Variants in GLIS1 observed in about 807,000 individuals in gnomAD.
GLIS1 encodes zinc finger protein GLIS1.
A neutral mutation model predicts 63.8 loss-of-function variants in GLIS1; 24 were observed. The ratio of observed to expected loss-of-function variants is 0.38; its 90% CI spans 0.27 to 0.53. The LOEUF (loss-of-function observed/expected upper bound fraction) is 0.53. GLIS1 is among the 20% of genes least tolerant of loss of function. The probability of loss-of-function intolerance (pLI) is 0.85; values close to 1 mark genes in which losing one functional copy is unlikely to be tolerated. For synonymous variants in GLIS1, 450 were observed against 482.5 expected (o/e 0.93, Z 0.88); for missense variants, 1,036 against 1,074.1 (o/e 0.96, Z 0.50).
At chr1:53,644,947 C>A (rs1394642505) in intron 2 of GLIS1, among the ~76,000 whole-genome samples, 1 of 152,168 alleles carries the variant, frequency 6.6e-6, no homozygotes, top group Non-Finnish European at 1.5e-5. Context: ...ATCTCCTCCA[C>A]AAAAATCTAA....
At chr1:53,589,310 G>A (rs1243833018) in intron 4 of GLIS1, among the ~76,000 whole-genome samples, 3 of 152,174 alleles carry the variant, frequency 2.0e-5, no homozygotes, top group Admixed American at 2.0e-4. Context: ...CTTGCATTGA[G>A]CCAGGATAAA....
At chr1:53,661,168 C>A (rs754296498) in intron 2 of GLIS1, among the ~76,000 whole-genome samples, 3 of 152,148 alleles carry the variant, frequency 2.0e-5, no homozygotes, top group Non-Finnish European at 4.4e-5. Flanking sequence ...GAATGAGGTC[C>A]ACAGGTGGGG....
intron 2 of GLIS1, among the ~76,000 whole-genome samples, chr1:53,689,843 G>A (rs900609937): frequency 6.6e-6 from 1 of 152,112 alleles, no homozygotes; most frequent in Admixed American, 6.5e-5. Flanking sequence ...GCTCAGCCTG[G>A]CCCTCAGGCC....
chr1:53,717,084 T>C (rs978407859), intron 2 of GLIS1, among the ~76,000 whole-genome samples: 3 of 152,210 alleles, frequency 2.0e-5, no homozygotes. Context: ...TGGAAGACAA[T>C]TGAATTCTCT....
At chr1:53,556,313 AG>A (rs929253990) in intron 4 of GLIS1, among the ~76,000 whole-genome samples, 10 of 116,330 alleles carry the variant, frequency 8.6e-5, no homozygotes, top group African/African-American at 3.1e-4. Flanking sequence ...GTGTGTGTGC[AG>A]GTGTACTGCA....
Position 53,529,695 on chromosome 1 carries a change from T to C in GLIS1, c.1482+96A>G, listed in dbSNP as rs541923198. 61 of 1,287,496 alleles carry C rather than the reference T, an allele frequency of 4.7e-5. No individual in the cohort carries two copies. In the East Asian group the frequency reaches 1.4e-3, roughly 30 times the overall value. The allele number at this position is 1,287,496 out of a possible 1,614,324, so 79.8% of individuals were successfully genotyped here. A position where few individuals can be genotyped will look rare whatever the true frequency, so the allele number is the denominator to read the frequency against. ...AAGCATCTCCTGCCCCAAACATCGG[T>C]GGGGCTACAGGGTAAGGCAGGGGCT... On this transcript the variant is annotated intron_variant, in intron 5 of 10. Transcript: ENST00000628545.
At chr1:53,691,439 A>G (rs142933454) in intron 2 of GLIS1, among the ~76,000 whole-genome samples, 27 of 152,082 alleles carry the variant, frequency 1.8e-4, no homozygotes, top group African/African-American at 5.8e-4. Flanking sequence ...TCCTGGGCCC[A>G]CTCTGGACTC....
chr1:53,650,265 CA>C, intron 2 of GLIS1, among the ~76,000 whole-genome samples: 1 of 152,254 alleles, frequency 6.6e-6, no homozygotes. Context: ...CAACTCTATG[CA>C]TTCAAGGTTA....
intron 2 of GLIS1, among the ~76,000 whole-genome samples, chr1:53,696,460 C>A (rs998180118): frequency 6.6e-6 from 1 of 152,218 alleles, no homozygotes; most frequent in African/African-American, 2.4e-5. Flanking sequence ...GGATCCACGA[C>A]CCAGACCCAT....
At chr1:53,583,195 C>T in intron 4 of GLIS1, among the ~76,000 whole-genome samples, 1 of 152,186 alleles carries the variant, frequency 6.6e-6, no homozygotes, top group East Asian at 1.9e-4. Context: ...AGCTTCCACT[C>T]TGTGCATTTC....
At chr1:53,508,430 A>G (rs971088385) in intron 10 of GLIS1, among the ~76,000 whole-genome samples, 2 of 152,118 alleles carry the variant, frequency 1.3e-5, no homozygotes, top group Non-Finnish European at 2.9e-5. Context: ...CCTTTGTTGG[A>G]GCCCTGGAAA....
At chr1:53,674,908 G>A (rs1212196745) in intron 2 of GLIS1, among the ~76,000 whole-genome samples, 1 of 152,186 alleles carries the variant, frequency 6.6e-6, no homozygotes, top group Non-Finnish European at 1.5e-5. Flanking sequence ...GCCAAGCCTG[G>A]CATGCAGGCT....
At chr1:53,649,967 CCT>C (rs1557502109) in intron 2 of GLIS1, among the ~76,000 whole-genome samples, 1 of 152,152 alleles carries the variant, frequency 6.6e-6, no homozygotes, top group Non-Finnish European at 1.5e-5. Context: ...CACCCCAACC[CCT>C]GTGCTGTTCA....
At chr1:53,569,281 T>C (rs1020125716) in intron 4 of GLIS1, among the ~76,000 whole-genome samples, 2 of 152,142 alleles carry the variant, frequency 1.3e-5, no homozygotes, top group Non-Finnish European at 2.9e-5. Context: ...GAATGAACCT[T>C]AATGTAAACT....
At chr1:53,628,148 G>GCCTTGCTGTGC (rs1553130820) in intron 2 of GLIS1, among the ~76,000 whole-genome samples, 348 of 25,120 alleles carry the variant, frequency 0.014, no homozygotes, top group Non-Finnish European at 0.045. Context: ...CCCTTGCTGT[G>GCCTTGCTGTGC]CCTTGCTGTG....
At chr1:53,727,071 G>A (rs1646812620) in intron 2 of GLIS1, among the ~76,000 whole-genome samples, 2 of 152,214 alleles carry the variant, frequency 1.3e-5, no homozygotes, top group Admixed American at 1.3e-4. Flanking sequence ...AAATGAGGAA[G>A]ACTGAGGCTC....
At chr1:53,659,140 T>A (rs1645999525) in intron 2 of GLIS1, among the ~76,000 whole-genome samples, 2 of 152,098 alleles carry the variant, frequency 1.3e-5, no homozygotes, top group South Asian at 4.1e-4. Context: ...GCCCTCTGAG[T>A]GCTCTGAGCC....
At chr1:53,708,418 T>C (rs1330031714) in intron 2 of GLIS1, among the ~76,000 whole-genome samples, 4 of 152,206 alleles carry the variant, frequency 2.6e-5, no homozygotes, top group Non-Finnish European at 5.9e-5. Flanking sequence ...ATAGTATTAA[T>C]ATATTCAAGA....
intron 7 of GLIS1, among the ~76,000 whole-genome samples, chr1:53,517,428 CCA>C (rs1001164145): frequency 1.3e-5 from 2 of 152,158 alleles, no homozygotes; most frequent in Admixed American, 1.3e-4. Flanking sequence ...GAGGAGCTGC[CCA>C]CACTTTGAGC....
Sources: allele counts gnomAD v4.1 joint callset (sites outside exome capture counted in the v4.1 genomes callset), GRCh38; gene constraint gnomAD v4.1.1; transcripts MANE v1.5; gene names NCBI Gene and HGNC (gene_info 2026-07-23, HGNC 2026-07-21).